Variants in SSBP2 observed in about 807,000 individuals in gnomAD.
SSBP2 encodes single-stranded DNA-binding protein 2.
A neutral mutation model predicts 61.8 loss-of-function variants in SSBP2; 17 were observed. The ratio of observed to expected loss-of-function variants is 0.28; its 90% confidence interval spans 0.19 to 0.41. SSBP2 has a LOEUF of 0.41. SSBP2 is among the 10% of genes least tolerant of loss of function. SSBP2 has a pLI of 1.00. For synonymous variants in SSBP2, 139 were observed against 141.3 expected (o/e 0.98, Z 0.12); for missense variants, 310 against 458.7 (o/e 0.68, Z 2.96).
chr5:81,737,598 C>T (rs1471718360), intron 1 of SSBP2, among the ~76,000 whole-genome samples: 20 of 149,324 alleles, frequency 1.3e-4, no homozygotes, highest in Non-Finnish European at 3.0e-5. Flanking sequence ...CTGGCTAACA[C>T]GGTGAAACCC....
chr5:81,635,378 T>C (rs1748115519), intron 3 of SSBP2, among the ~76,000 whole-genome samples: 1 of 152,168 alleles, frequency 6.6e-6, no homozygotes, highest in African/African-American at 2.4e-5. Flanking sequence ...CTTGGGAGTT[T>C]TGAGTTTGAT....
intron 1 of SSBP2, among the ~76,000 whole-genome samples, chr5:81,715,172 G>A (rs1417757019): frequency 2.0e-5 from 3 of 152,016 alleles, no homozygotes; most frequent in Admixed American, 6.6e-5. Flanking sequence ...GGGGAGACAG[G>A]GGGAGAGACA....
intron 10 of SSBP2, among the ~76,000 whole-genome samples, chr5:81,460,713 T>C (rs1764476995): frequency 6.6e-6 from 1 of 152,184 alleles, no homozygotes; most frequent in Non-Finnish European, 1.5e-5. Flanking sequence ...AACTCAGTGA[T>C]TATTAATAGT....
At chr5:81,609,309 T>C (rs1745206544) in intron 4 of SSBP2, among the ~76,000 whole-genome samples, 1 of 152,200 alleles carries the variant, frequency 6.6e-6, no homozygotes, top group Non-Finnish European at 1.5e-5. Flanking sequence ...TTTTTCCAAC[T>C]TCATCCAGTT....
At chr5:81,550,185 C>A (rs1772063025) in intron 4 of SSBP2, among the ~76,000 whole-genome samples, 1 of 152,164 alleles carries the variant, frequency 6.6e-6, no homozygotes, top group Non-Finnish European at 1.5e-5. Flanking sequence ...ATATTTTATG[C>A]TCCAAATCTG....
At chr5:81,601,053 C>G (rs955695369) in intron 4 of SSBP2, among the ~76,000 whole-genome samples, 1 of 152,130 alleles carries the variant, frequency 6.6e-6, no homozygotes, top group Non-Finnish European at 1.5e-5. Flanking sequence ...TTTAAACCAT[C>G]CTGAACAGCA....
intron 4 of SSBP2, among the ~76,000 whole-genome samples, chr5:81,514,954 T>C (rs1020283588): frequency 6.6e-6 from 1 of 151,952 alleles, no homozygotes; most frequent in Non-Finnish European, 1.5e-5. Flanking sequence ...AAAGAAGAAA[T>C]AGTATTTCTT....
chr5:81,613,713 A>G (rs1561606225), intron 4 of SSBP2, among the ~76,000 whole-genome samples: 2 of 152,212 alleles, frequency 1.3e-5, no homozygotes, highest in Non-Finnish European at 2.9e-5. Flanking sequence ...AGTGGAGACA[A>G]TATCTCCCGT....
chr5:81,451,728 TC>T (rs1241176714), intron 10 of SSBP2, among the ~76,000 whole-genome samples: 1 of 152,210 alleles, frequency 6.6e-6, no homozygotes, highest in African/African-American at 2.4e-5. Flanking sequence ...GTGCCTGGCC[TC>T]CTTTTATACT....
intron 4 of SSBP2, among the ~76,000 whole-genome samples, chr5:81,567,005 A>C (rs1471113895): frequency 6.6e-6 from 1 of 152,194 alleles, no homozygotes; most frequent in African/African-American, 2.4e-5. Flanking sequence ...AAAAGCATTC[A>C]GTTTTAAAAG....
chr5:81,747,026 G>GGT (rs1554123674), intron 1 of SSBP2, among the ~76,000 whole-genome samples: 1 of 142,126 alleles, frequency 7.0e-6, no homozygotes, highest in Non-Finnish European at 1.5e-5. Flanking sequence ...AATTCCTGGG[G>GGT]GGGGGGGGAA....
At chr5:81,718,496 G>A (rs1755324811) in intron 1 of SSBP2, among the ~76,000 whole-genome samples, 1 of 152,166 alleles carries the variant, frequency 6.6e-6, no homozygotes, top group South Asian at 2.1e-4. Flanking sequence ...ACCGGAAGCA[G>A]AGGTCAAGCT....
chr5:81,452,155 T>C (rs1045193532), intron 10 of SSBP2, among the ~76,000 whole-genome samples: 53 of 152,198 alleles, frequency 3.5e-4, no homozygotes, highest in African/African-American at 1.2e-3. Flanking sequence ...ATAGCTGCTA[T>C]AGTGTGGGGC....
At chr5:81,665,863 G>A (rs1400884288) in intron 1 of SSBP2, among the ~76,000 whole-genome samples, 1 of 152,116 alleles carries the variant, frequency 6.6e-6, no homozygotes, top group Non-Finnish European at 1.5e-5. Flanking sequence ...TTCCAGTGTG[G>A]ACCAATGATA....
intron 4 of SSBP2, among the ~76,000 whole-genome samples, chr5:81,605,280 T>C (rs191620928): frequency 1.3e-5 from 2 of 152,284 alleles, no homozygotes; most frequent in African/African-American, 4.8e-5. Flanking sequence ...AACTTTTTTC[T>C]AGAAATATTT....
rs559924914 is a variant in SSBP2, at chr5:81,649,808, G to A, written c.135+459C>T. Among the ~76,000 whole-genome samples, 14 of 151,484 alleles carry A rather than the reference G, an allele frequency of 9.2e-5. No homozygotes were observed. The East Asian group carries it at 2.5e-3, about 27-fold the overall frequency. The stretch of plus-strand genomic sequence containing the variant: ...TAAAAAAAAAAAGAAAGAAAGTGAA[G>A]GTGGAGAAGAGAAAGAGAAGAACTT... On this transcript the variant is annotated intron_variant, in intron 2 of 16. Transcript: ENST00000320672.
intron 4 of SSBP2, among the ~76,000 whole-genome samples, chr5:81,613,365 T>C (rs1437264873): frequency 6.6e-6 from 1 of 152,236 alleles, no homozygotes; most frequent in Non-Finnish European, 1.5e-5. Flanking sequence ...CTCTGGCTAA[T>C]GCTCATTTCC....
chr5:81,634,941 CT>C (rs1408579069), intron 3 of SSBP2, among the ~76,000 whole-genome samples: 3 of 152,254 alleles, frequency 2.0e-5, no homozygotes, highest in Non-Finnish European at 2.9e-5. Flanking sequence ...GTCTCTCTCA[CT>C]GCTTACTTCG....
intron 1 of SSBP2, among the ~76,000 whole-genome samples, chr5:81,691,693 G>A (rs866218167): frequency 5.9e-5 from 9 of 152,138 alleles, no homozygotes; most frequent in Admixed American, 5.2e-4. Flanking sequence ...GAGGAGGGAA[G>A]ACTTCCAAAC....
Sources: gnomAD v4.1 joint callset for allele counts (sites outside exome capture counted in the v4.1 genomes callset) on GRCh38, gnomAD v4.1.1 for gene constraint, MANE v1.5 for transcripts, NCBI Gene and HGNC (gene_info 2026-07-23, HGNC 2026-07-21) for gene names.